FGF13: variants seen among roughly 807,000 people sequenced by gnomAD.
FGF13 encodes fibroblast growth factor homologous factor 2.
FGF13 carries 2 observed loss-of-function variants against 19.5 expected under a neutral mutation model. The ratio of observed to expected loss-of-function variants is 0.10; its 90% confidence interval spans 0.04 to 0.32. The LOEUF (loss-of-function observed/expected upper bound fraction) is 0.32, where lower values mean the gene tolerates loss of function less well. FGF13 is among the 10% of genes least tolerant of loss of function. The probability of loss-of-function intolerance (pLI) is 1.00; values close to 1 mark genes in which losing one functional copy is unlikely to be tolerated. For missense variants in FGF13, 113 were observed against 192.7 expected (o/e 0.59, Z 2.45); for synonymous variants, 72 against 76.9 (o/e 0.94, Z 0.33).
chrX:139,136,329 ATAGT>A (rs1293453846), intron 1 of FGF13, among the ~76,000 whole-genome samples: 1 of 110,724 alleles, frequency 9.0e-6, no homozygotes, highest in Non-Finnish European at 1.9e-5. Context: ...TAACTAATGT[ATAGT>A]TATTTATCCC....
chrX:138,747,324 T>A (rs2090363641), intron 3 of FGF13, among the ~76,000 whole-genome samples: 1 of 111,407 alleles, frequency 9.0e-6, no homozygotes, highest in Non-Finnish European at 1.9e-5. Flanking sequence ...TTTTCATGAT[T>A]TTCTTCATTG....
At chrX:138,874,261 G>T (rs1018740312) in intron 1 of FGF13, among the ~76,000 whole-genome samples, 4 of 108,111 alleles carry the variant, frequency 3.7e-5, no homozygotes, top group Non-Finnish European at 7.6e-5. Flanking sequence ...CAGTTAAGTA[G>T]AATTTAAGAT....
intron 3 of FGF13, among the ~76,000 whole-genome samples, chrX:138,820,197 G>T (rs193271162): frequency 1.8e-5 from 2 of 112,013 alleles, no homozygotes; most frequent in African/African-American, 6.5e-5. Flanking sequence ...ATATCATAAG[G>T]CATTCTAAAG....
At chrX:139,026,575 T>C (rs1344233723) in intron 1 of FGF13, among the ~76,000 whole-genome samples, 2 of 111,851 alleles carry the variant, frequency 1.8e-5, no homozygotes, top group African/African-American at 6.5e-5. Flanking sequence ...AAGGTCAGTA[T>C]CCTCTGGTGT....
chrX:138,800,537 G>A (rs758839958), intron 3 of FGF13, among the ~76,000 whole-genome samples: 1 of 110,941 alleles, frequency 9.0e-6, no homozygotes, highest in Non-Finnish European at 1.9e-5. Flanking sequence ...TTGGAGAAAC[G>A]GACGATTATG....
At chrX:138,854,078 C>T (rs759773664), downstream of FGF13, among the ~76,000 whole-genome samples, 10 of 111,403 alleles carry the variant, frequency 9.0e-5, no homozygotes, top group East Asian at 2.3e-3. Flanking sequence ...GCTCCTGGAG[C>T]GGTAAGAAAA....
At chrX:139,126,685 A>AGAGG (rs1348423521) in intron 1 of FGF13, among the ~76,000 whole-genome samples, 1 of 112,111 alleles carries the variant, frequency 8.9e-6, no homozygotes, top group African/African-American at 3.2e-5. Flanking sequence ...AATGACCTCT[A>AGAGG]GAGGGAGCTG....
chrX:138,673,895 A>G (rs761798164), intron 3 of FGF13, among the ~76,000 whole-genome samples: 2 of 111,563 alleles, frequency 1.8e-5, no homozygotes, highest in South Asian at 7.7e-4. Flanking sequence ...GGTCACAGCT[A>G]GAAGTGGGTG....
intron 1 of FGF13, among the ~76,000 whole-genome samples, chrX:138,949,476 C>T (rs1329916579): frequency 1.8e-5 from 2 of 111,441 alleles, no homozygotes; most frequent in African/African-American, 6.5e-5. Flanking sequence ...TGTTATTTCA[C>T]GTGACTTCTT....
chrX:138,939,595 G>A (rs1485896436), intron 1 of FGF13, among the ~76,000 whole-genome samples: 4 of 110,435 alleles, frequency 3.6e-5, no homozygotes, highest in East Asian at 5.7e-4. Flanking sequence ...GGTAGGCTCC[G>A]GTGACTGTTA....
chrX:138,839,700 C>G (rs2091136473), intron 3 of FGF13, among the ~76,000 whole-genome samples: 1 of 111,618 alleles, frequency 9.0e-6, no homozygotes, highest in Admixed American at 9.5e-5. Flanking sequence ...TCTAGTACAG[C>G]AATTACTCTA....
At chrX:139,131,486 C>CATCCTGTAATCCCA (rs111856429) in intron 1 of FGF13, among the ~76,000 whole-genome samples, 7,534 of 110,308 alleles carry the variant, frequency 0.068, 666 homozygotes, top group African/African-American at 0.23. Flanking sequence ...CAGTGGCTCA[C>CATCCTGTAATCCCA]ACACTTCGGG....
At chrX:138,662,217 T>C (rs1458047962) in intron 3 of FGF13, among the ~76,000 whole-genome samples, 1 of 111,841 alleles carries the variant, frequency 8.9e-6, no homozygotes, top group African/African-American at 3.2e-5. Flanking sequence ...TTCCTGAGCA[T>C]TGACAAAATC....
chrX:138,962,372 T>C (rs1196624312), intron 1 of FGF13, among the ~76,000 whole-genome samples: 2 of 111,700 alleles, frequency 1.8e-5, no homozygotes, highest in South Asian at 3.8e-4. Context: ...TGTGGAGAAA[T>C]AGGAACACTT....
chrX:138,725,660 A>C (rs183064739), intron 1 of FGF13, among the ~76,000 whole-genome samples: 73 of 111,723 alleles, frequency 6.5e-4, no homozygotes, highest in South Asian at 1.9e-3. Context: ...TCATGATTGC[A>C]GTAGAGAAAT....
intron 1 of FGF13, among the ~76,000 whole-genome samples, chrX:138,912,767 T>C (rs781628325): frequency 4.5e-5 from 5 of 111,683 alleles, no homozygotes; most frequent in Non-Finnish European, 9.4e-5. Flanking sequence ...GAACTCTCAC[T>C]CCCAGATTCT....
At chrX:138,810,105 T>C (rs928225250) in intron 3 of FGF13, among the ~76,000 whole-genome samples, 8 of 111,710 alleles carry the variant, frequency 7.2e-5, no homozygotes, top group Non-Finnish European at 1.5e-4. Context: ...TTAAAGTTCA[T>C]ATGGAGACAA....
At chrX:138,875,116 C>A (rs2091380423) in intron 1 of FGF13, among the ~76,000 whole-genome samples, 1 of 109,022 alleles carries the variant, frequency 9.2e-6, no homozygotes, top group Non-Finnish European at 1.9e-5. Context: ...CCTGCAATCC[C>A]AGCTACTCAG....
chrX:139,160,309 C>T (rs949688517), intron 1 of FGF13, among the ~76,000 whole-genome samples: 13 of 111,914 alleles, frequency 1.2e-4, no homozygotes, highest in African/African-American at 2.6e-4. Flanking sequence ...AAAGACACAA[C>T]GTAACACAAT....
Sources: allele counts gnomAD v4.1 joint callset (sites outside exome capture counted in the v4.1 genomes callset), GRCh38; gene constraint gnomAD v4.1.1; transcripts MANE v1.5; gene names NCBI Gene and HGNC (gene_info 2026-07-23, HGNC 2026-07-21).